Variants in ROBO1 observed in about 807,000 individuals in gnomAD.
ROBO1 encodes the protein roundabout guidance receptor 1, also known as roundabout homolog 1.
A neutral mutation model predicts 195.9 loss-of-function variants in ROBO1; 149 were observed. The observed-to-expected ratio is 0.76, with a 90% CI of 0.67 to 0.87. ROBO1 has a LOEUF of 0.87. Ranked by LOEUF, ROBO1 falls within the 40% of genes least tolerant of loss-of-function variation. The pLI is 0.00. For synonymous variants in ROBO1, 816 were observed against 733.2 expected, an observed-to-expected ratio of 1.11 and a Z score of -1.82; for missense variants, 1,933 against 2,068.3, an observed-to-expected ratio of 0.93 and a Z score of 1.27.
chr3:79,256,210 T>G (rs1035091930), intron 2 of ROBO1, among the ~76,000 whole-genome samples: 8 of 152,178 alleles, frequency 5.3e-5, no homozygotes, highest in African/African-American at 1.9e-4. Context: ...CTTTTGGAAG[T>G]CTGTGTAAAA....
chr3:79,719,942 T>C (rs1024104449), intron 1 of ROBO1, among the ~76,000 whole-genome samples: 7 of 152,218 alleles, frequency 4.6e-5, no homozygotes, highest in Non-Finnish European at 1.0e-4. Flanking sequence ...ATCCTTTTGG[T>C]AGTTGGGTAA....
At chr3:79,112,329 C>A (rs933954113) in intron 3 of ROBO1, among the ~76,000 whole-genome samples, 48 of 152,198 alleles carry the variant, frequency 3.2e-4, no homozygotes, top group African/African-American at 9.4e-4. Context: ...AGTGCTCCTG[C>A]ACATCTGAAA....
intron 3 of ROBO1, among the ~76,000 whole-genome samples, chr3:79,096,407 C>T (rs1198602856): frequency 7.3e-5 from 11 of 151,696 alleles, no homozygotes; most frequent in Non-Finnish European, 1.5e-4. Flanking sequence ...GGTTTGATAA[C>T]GATTAGGTAT....
intron 14 of ROBO1, among the ~76,000 whole-genome samples, chr3:78,666,163 A>G (rs2107692110): frequency 6.6e-6 from 1 of 152,094 alleles, no homozygotes; most frequent in Middle Eastern, 3.4e-3. Context: ...TTCTGCCATG[A>G]TTGTAAGTTT....
intron 1 of ROBO1, among the ~76,000 whole-genome samples, chr3:79,608,827 G>T (rs1340776152): frequency 6.6e-6 from 1 of 151,898 alleles, no homozygotes; most frequent in East Asian, 1.9e-4. Context: ...TGGTTTGAAT[G>T]TTCGTGTCCT....
intron 2 of ROBO1, among the ~76,000 whole-genome samples, chr3:79,296,396 T>C (rs2032601331): frequency 1.3e-5 from 2 of 152,178 alleles, no homozygotes; most frequent in Non-Finnish European, 2.9e-5. Context: ...CTTAAATAAT[T>C]AATGATAATA....
At chr3:78,974,453 C>A (rs552527346) in intron 3 of ROBO1, among the ~76,000 whole-genome samples, 1 of 151,886 alleles carries the variant, frequency 6.6e-6, no homozygotes, top group African/African-American at 2.4e-5. Context: ...ACAGACCAGT[C>A]GATTAGTCAG....
intron 4 of ROBO1, among the ~76,000 whole-genome samples, chr3:78,804,540 T>G (rs2084471109): frequency 6.6e-6 from 1 of 152,096 alleles, no homozygotes; most frequent in South Asian, 2.1e-4. Context: ...CAAAAGAGTC[T>G]TTTATTAAAC....
intron 4 of ROBO1, among the ~76,000 whole-genome samples, chr3:78,851,227 T>C (rs1465062787): frequency 6.6e-6 from 1 of 152,184 alleles, no homozygotes; most frequent in African/African-American, 2.4e-5. Context: ...AACAGGATGA[T>C]TCTGTCTCTG....
chr3:79,617,162 A>G (rs1014327392), intron 1 of ROBO1, among the ~76,000 whole-genome samples: 2 of 152,098 alleles, frequency 1.3e-5, no homozygotes, highest in African/African-American at 4.8e-5. Flanking sequence ...TGGAGACCTC[A>G]CCCCATATGA....
chr3:79,353,701 G>A (rs2035432580), intron 2 of ROBO1, among the ~76,000 whole-genome samples: 1 of 152,148 alleles, frequency 6.6e-6, no homozygotes, highest in African/African-American at 2.4e-5. Flanking sequence ...GAGGGCTATG[G>A]TGTTGGTGTG....
intron 29 of ROBO1, among the ~76,000 whole-genome samples, chr3:78,602,363 A>C (rs2107243523): frequency 6.6e-6 from 1 of 152,230 alleles, no homozygotes; most frequent in Non-Finnish European, 1.5e-5. Context: ...CATGATTCTA[A>C]GCTTCCTGAG....
intron 3 of ROBO1, among the ~76,000 whole-genome samples, chr3:78,965,155 A>G (rs1021931257): frequency 2.6e-5 from 4 of 152,016 alleles, no homozygotes; most frequent in African/African-American, 9.7e-5. Flanking sequence ...TATGTTTCAC[A>G]TTATAATCAA....
intron 4 of ROBO1, among the ~76,000 whole-genome samples, chr3:78,787,986 C>T (rs528543545): frequency 8.0e-6 from 1 of 125,568 alleles, no homozygotes; most frequent in South Asian, 2.8e-4. Context: ...GTCTCCCAGG[C>T]TGGAGTGCAG....
chr3:79,658,190 C>T lies in ROBO1; in HGVS notation c.-50-68229G>A, dbSNP rs146715315. Among the ~76,000 whole-genome samples the T allele has an allele frequency of 5.7e-3, 873 of 152,210 alleles. 6 individuals are homozygous for T. Among genetic ancestry groups the T allele is most frequent in the African/African-American group, 0.018 (759 of 41,550 alleles). On this transcript the variant is annotated intron_variant, in intron 1 of 30. Transcript: ENST00000464233. ...TTGACAGCTTGAATAATGAACACTTCATACAACAATTCTAGCGGACTTGAT... is the reference window on the plus strand; with the variant it reads ...TTGACAGCTTGAATAATGAACACTTTATACAACAATTCTAGCGGACTTGAT...
At chr3:78,821,657 G>A (rs191899301) in intron 4 of ROBO1, among the ~76,000 whole-genome samples, 8 of 152,092 alleles carry the variant, frequency 5.3e-5, no homozygotes, top group Non-Finnish European at 1.2e-4. Flanking sequence ...ATAATAACAT[G>A]CCCCACCCCT....
chr3:78,814,262 A>T (rs1206676614), intron 4 of ROBO1, among the ~76,000 whole-genome samples: 1 of 152,030 alleles, frequency 6.6e-6, no homozygotes, highest in African/African-American at 2.4e-5. Context: ...GCAATTTAAA[A>T]TTTTTCTAGT....
chr3:79,651,620 C>T (rs572547277), intron 1 of ROBO1, among the ~76,000 whole-genome samples: 1 of 152,258 alleles, frequency 6.6e-6, no homozygotes, highest in African/African-American at 2.4e-5. Flanking sequence ...CCTTAGTCTG[C>T]AACGCTAGCA....
chr3:79,536,221 T>C (rs1941857091), intron 2 of ROBO1, among the ~76,000 whole-genome samples: 1 of 152,058 alleles, frequency 6.6e-6, no homozygotes, highest in Admixed American at 6.6e-5. Context: ...TCTTTCCAAA[T>C]TTATTAGTTT....
Sources: gnomAD v4.1 joint callset for allele counts (sites outside exome capture counted in the v4.1 genomes callset) on GRCh38, gnomAD v4.1.1 for gene constraint, MANE v1.5 for transcripts, NCBI Gene and HGNC (gene_info 2026-07-23, HGNC 2026-07-21) for gene names.